Variants in DENND2C observed in about 807,000 individuals in gnomAD.
The protein encoded by DENND2C is DENN domain-containing protein 2C.
Under a neutral mutation model 112.4 loss-of-function variants are expected in DENND2C, and 72 were observed. The ratio of observed to expected loss-of-function variants is 0.64; its 90% CI spans 0.53 to 0.78. DENND2C has a LOEUF of 0.78. Among genes scored for constraint, DENND2C ranks in the 30% least tolerant of loss-of-function variants. The pLI, the probability that DENND2C is intolerant of heterozygous loss-of-function variation, is 0.00. For synonymous variants in DENND2C, 329 were observed against 381.6 expected, an observed-to-expected ratio of 0.86 and a Z score of 1.61; for missense variants, 992 against 1,113.8, an observed-to-expected ratio of 0.89 and a Z score of 1.56.
At chr1:114,666,832 A>G (rs1178058789) in intron 1 of DENND2C, among the ~76,000 whole-genome samples, 2 of 152,230 alleles carry the variant, frequency 1.3e-5, no homozygotes, top group Non-Finnish European at 2.9e-5. Context: ...AGTACCTTTA[A>G]CACCATATTT....
At chr1:114,609,668 C>T (rs1330531330) in intron 9 of DENND2C, among the ~76,000 whole-genome samples, 1 of 152,180 alleles carries the variant, frequency 6.6e-6, no homozygotes, top group Non-Finnish European at 1.5e-5. Context: ...ATAGTCTACA[C>T]GTCCCAGTGA....
intron 7 of DENND2C, 83 bp downstream of exon 7, chr1:114,621,812 T>G: frequency 6.6e-7 from 1 of 1,503,764 alleles, no homozygotes; most frequent in Non-Finnish European, 9.0e-7. Context: ...AACCTATTAT[T>G]CATTTCGGTC....
intron 9 of DENND2C, among the ~76,000 whole-genome samples, chr1:114,610,263 C>A (rs900205773): frequency 6.6e-6 from 1 of 152,160 alleles, no homozygotes; most frequent in African/African-American, 2.4e-5. Context: ...GTCAGAAATG[C>A]ATGGTGCATT....
chr1:114,662,310 AAGAC>A (rs988409301), intron 1 of DENND2C, among the ~76,000 whole-genome samples: 2 of 152,190 alleles, frequency 1.3e-5, no homozygotes, highest in African/African-American at 4.8e-5. Context: ...AACAGAAAAA[AAGAC>A]AGAGAAAAAT....
chr1:114,617,613 A>G (rs1044001016), intron 8 of DENND2C, among the ~76,000 whole-genome samples: 3 of 151,136 alleles, frequency 2.0e-5, no homozygotes, highest in Non-Finnish European at 4.5e-5. Flanking sequence ...GGCCAGGATA[A>G]TACTTATTAA....
intron 10 of DENND2C, 37 bp from the exon 11 acceptor site, chr1:114,605,068 C>T (rs1237286916): frequency 6.9e-7 from 1 of 1,447,044 alleles, no homozygotes; most frequent in East Asian, 2.3e-5. Flanking sequence ...TTAAATTATA[C>T]TATGTAAGTG....
At chr1:114,618,560 G>A in intron 7 of DENND2C, 78 bp from the exon 8 acceptor site, 1 of 801,842 alleles carries the variant, frequency 1.2e-6, no homozygotes, top group Non-Finnish European at 1.9e-6. Flanking sequence ...ATCTATTAGG[G>A]ATTCTTATTC....
chr1:114,623,080 TG>T lies in DENND2C; in HGVS notation c.962del (p.Pro321HisfsTer47). Reference protein sequence around the residue: ...EDIIYPTKENPYEDIPVQPLP... With the variant: ...EDIIYPTKENXYEDIPVQPLP... ...AAGGCTGCACTGGAATATCTTCATA[TG>T]GATTTTCTTTGGTGGGATCTTAAAA... is the stretch of plus-strand genomic sequence containing the variant. On this transcript the variant is annotated frameshift_variant, in exon 6 of 21. Transcript: ENST00000393274. LOFTEE classifies it high-confidence loss of function. The T allele has an allele frequency of 6.2e-7, 1 of 1,608,552 alleles. No individual in the cohort carries two copies. The highest frequency in any genetic ancestry group is 1.1e-5 in the South Asian group (1 of 89,406).
intron 1 of DENND2C, among the ~76,000 whole-genome samples, chr1:114,663,745 T>C (rs1184693649): frequency 6.6e-6 from 1 of 152,194 alleles, no homozygotes; most frequent in African/African-American, 2.4e-5. Context: ...TTATATGAAA[T>C]TCAAATTTCA....
intron 3 of DENND2C, among the ~76,000 whole-genome samples, chr1:114,636,044 A>G (rs1656648355): frequency 6.7e-6 from 1 of 149,928 alleles, no homozygotes; most frequent in South Asian, 2.1e-4. Context: ...AAAATATATA[A>G]TATATATATA....
chr1:114,662,633 A>T (rs1355086352), intron 1 of DENND2C, among the ~76,000 whole-genome samples: 1 of 146,378 alleles, frequency 6.8e-6, no homozygotes, highest in African/African-American at 2.5e-5. Flanking sequence ...GAAGTCTAAG[A>T]TTCATAAGAA....
Position 114,587,829 on chromosome 1 carries a change from A to G in DENND2C, c.2555T>C (p.Phe852Ser). 6.2e-7 allele frequency: 1 copy of G among 1,614,140 alleles called. No individual in the cohort carries two copies. Among genetic ancestry groups the G allele is most frequent in the African/African-American group, 1.3e-5 (1 of 75,040 alleles). Residue 852 changes from phenylalanine (F) to serine (S), a missense_variant, in exon 19 of 21, where the codon TTC becomes TCC. Around this residue, in one of 3 missense-constraint regions of DENND2C, gnomAD observed 516 missense variants for 623.6 expected, o/e 0.83. Coordinates refer to ENST00000393274, the MANE Select transcript of DENND2C (RefSeq NM_001256404.2). ...RGERVFQREP[F>S]RKSHTSRSVR... is the part of the protein sequence containing the mutation. ...ACTTCGGGAGGTGTGGGACTTACGG[A>G]ATGGTTCCCTTTGGAAAACACGCTC...
chr1:114,611,224 TA>T, intron 8 of DENND2C, 107 bp from the exon 9 acceptor site: 1 of 1,253,328 alleles, frequency 8.0e-7, no homozygotes, highest in Non-Finnish European at 1.1e-6. Flanking sequence ...TAAGGAATAA[TA>T]AAGCTGCTGA....
intron 6 of DENND2C, 128 bp downstream of exon 6, chr1:114,622,859 C>G (rs949124404): frequency 2.2e-4 from 91 of 418,658 alleles, no homozygotes; most frequent in African/African-American, 1.1e-4. Context: ...ATTAAAAAAA[C>G]TACCACCAAC....
chr1:114,628,270 T>C (rs1270370057), intron 3 of DENND2C, among the ~76,000 whole-genome samples: 1 of 149,084 alleles, frequency 6.7e-6, no homozygotes, highest in Non-Finnish European at 1.5e-5. Context: ...CAGTAAGTTA[T>C]GATCACAGCA....
intron 10 of DENND2C, among the ~76,000 whole-genome samples, chr1:114,607,080 T>G (rs964296641): frequency 6.6e-6 from 1 of 152,116 alleles, no homozygotes; most frequent in African/African-American, 2.4e-5. Flanking sequence ...GTGGCAGTAG[T>G]CACTGAGTAG....
intron 2 of DENND2C, among the ~76,000 whole-genome samples, chr1:114,654,066 C>T (rs899830251): frequency 6.6e-6 from 1 of 152,144 alleles, no homozygotes; most frequent in African/African-American, 2.4e-5. Context: ...CACCAAAAAG[C>T]TAACAATGAT....
chr1:114,661,135 A>C (rs1251148637), intron 1 of DENND2C, among the ~76,000 whole-genome samples: 2 of 151,736 alleles, frequency 1.3e-5, no homozygotes, highest in East Asian at 3.9e-4. Flanking sequence ...AAGAAAAGAA[A>C]ATCCTCCTTA....
chr1:114,610,925 C>T (rs375884069), intron 9 of DENND2C, 148 bp downstream of exon 9: 1 of 904,764 alleles, frequency 1.1e-6, no homozygotes, highest in Non-Finnish European at 1.7e-6. Flanking sequence ...TTTAATTCTC[C>T]AAACCTCAAC....
Sources: allele counts gnomAD v4.1 joint callset (sites outside exome capture counted in the v4.1 genomes callset), GRCh38; gene constraint gnomAD v4.1.1; regional missense constraint gnomAD v4.1.1; transcripts MANE v1.5; gene names NCBI Gene and HGNC (gene_info 2026-07-23, HGNC 2026-07-21).